NTM: variants seen among roughly 807,000 people sequenced by gnomAD.
NTM encodes the protein neurotrimin, also known as IgLON family member 2.
NTM carries 13 observed loss-of-function variants against 42.1 expected under a neutral mutation model. The ratio of observed to expected loss-of-function variants is 0.31; its 90% CI spans 0.20 to 0.49. The LOEUF is 0.49. Ranked by LOEUF, NTM falls within the 20% of genes least tolerant of loss-of-function variation. The pLI is 0.99. For missense variants in NTM, 373 were observed against 452.8 expected (o/e 0.82, Z 1.60); for synonymous variants, 187 against 179.2 (o/e 1.04, Z -0.35).
At chr11:131,960,408 C>T (rs997436862) in intron 2 of NTM, among the ~76,000 whole-genome samples, 19 of 152,176 alleles carry the variant, frequency 1.2e-4, no homozygotes, top group Admixed American at 5.2e-4. Context: ...TCCATGTCAC[C>T]GGCTGGATGC....
At chr11:131,809,816 T>G (rs767515435) in intron 1 of NTM, among the ~76,000 whole-genome samples, 3 of 152,180 alleles carry the variant, frequency 2.0e-5, no homozygotes, top group Non-Finnish European at 4.4e-5. Flanking sequence ...AGCCCTTCTG[T>G]GTCCCAAAGG....
At chr11:131,591,013 G>A (rs1208796206) in intron 1 of NTM, among the ~76,000 whole-genome samples, 1 of 152,214 alleles carries the variant, frequency 6.6e-6, no homozygotes, top group South Asian at 2.1e-4. Flanking sequence ...GGTGACAGGA[G>A]CAGCAAGCAG....
chr11:132,134,319 TTTTA>T (rs1555277184), intron 2 of NTM, among the ~76,000 whole-genome samples: 1 of 152,130 alleles, frequency 6.6e-6, no homozygotes, highest in Non-Finnish European at 1.5e-5. Flanking sequence ...TTTGGTTGGC[TTTTA>T]TTTATTTATT....
chr11:131,489,760 T>C (rs1954573383), intron 1 of NTM, among the ~76,000 whole-genome samples: 1 of 152,234 alleles, frequency 6.6e-6, no homozygotes, highest in Non-Finnish European at 1.5e-5. Flanking sequence ...AGAAGCCACT[T>C]AGCATTTTCA....
intron 1 of NTM, among the ~76,000 whole-genome samples, chr11:131,665,089 G>A (rs1310580749): frequency 1.3e-5 from 2 of 152,082 alleles, no homozygotes; most frequent in African/African-American, 4.8e-5. Context: ...TGGCATTCAC[G>A]CGTCCCCTCC....
At chr11:131,534,846 T>C (rs1218431581) in intron 1 of NTM, 2 of 152,268 alleles carry the variant, frequency 1.3e-5, no homozygotes, top group Admixed American at 6.5e-5. Flanking sequence ...CTTCTGAGCA[T>C]GCTGAGCCCT....
chr11:131,470,924 C>A (rs1007439828), intron 1 of NTM, among the ~76,000 whole-genome samples: 1 of 152,166 alleles, frequency 6.6e-6, no homozygotes, highest in Non-Finnish European at 1.5e-5. Context: ...CCATGTAATC[C>A]ATTTCTGAGC....
chr11:131,846,867 A>G (rs1216883608), intron 1 of NTM, among the ~76,000 whole-genome samples: 2 of 152,206 alleles, frequency 1.3e-5, no homozygotes, highest in African/African-American at 2.4e-5. Context: ...ATTTGAGGAA[A>G]AAAATAAAAA....
At chr11:131,430,603 C>T (rs1948571709) in intron 1 of NTM, among the ~76,000 whole-genome samples, 1 of 152,158 alleles carries the variant, frequency 6.6e-6, no homozygotes, top group South Asian at 2.1e-4. Flanking sequence ...GGCAAAGATC[C>T]AGACTGATTA....
intron 1 of NTM, among the ~76,000 whole-genome samples, chr11:131,684,242 C>T (rs530910866): frequency 1.4e-4 from 21 of 152,250 alleles, no homozygotes; most frequent in South Asian, 6.2e-4. Context: ...GACGTCCTGA[C>T]GACAGTGACT....
At chr11:131,701,055 G>A (rs943304749) in intron 1 of NTM, among the ~76,000 whole-genome samples, 6 of 152,124 alleles carry the variant, frequency 3.9e-5, no homozygotes, top group Admixed American at 1.3e-4. Flanking sequence ...GACAGTGCTC[G>A]GGAAAAAGTA....
At chr11:131,384,450 T>C (rs1444919904) in intron 1 of NTM, among the ~76,000 whole-genome samples, 1 of 152,230 alleles carries the variant, frequency 6.6e-6, no homozygotes, top group East Asian at 1.9e-4. Context: ...ATCTCTTCCA[T>C]GTTCTTGGGG....
At chr11:131,875,089 C>A (rs546106946) in intron 1 of NTM, among the ~76,000 whole-genome samples, 2 of 152,270 alleles carry the variant, frequency 1.3e-5, no homozygotes, top group South Asian at 4.2e-4. Context: ...TTGTTCACTG[C>A]GCCTTGGAAA....
chr11:132,325,743 A>T (rs2095665712), intron 7 of NTM, among the ~76,000 whole-genome samples: 1 of 152,228 alleles, frequency 6.6e-6, no homozygotes, highest in African/African-American at 2.4e-5. Flanking sequence ...CACTATTCAC[A>T]ATAGCAAAGA....
chr11:131,907,196 C>T (rs373149959), intron 1 of NTM, among the ~76,000 whole-genome samples: 3 of 152,188 alleles, frequency 2.0e-5, no homozygotes, highest in Non-Finnish European at 1.5e-5. Flanking sequence ...CTCCTCTTTT[C>T]GTCTCTTGTG....
At chr11:131,594,031 C>A (rs1351471978) in intron 1 of NTM, among the ~76,000 whole-genome samples, 1 of 152,138 alleles carries the variant, frequency 6.6e-6, no homozygotes, top group Non-Finnish European at 1.5e-5. Context: ...TGTGCACCAG[C>A]CTTATATAGT....
intron 1 of NTM, among the ~76,000 whole-genome samples, chr11:131,766,488 C>T (rs1351731598): frequency 2.0e-5 from 3 of 152,180 alleles, no homozygotes; most frequent in Middle Eastern, 3.4e-3. Context: ...ACGGGAGGTA[C>T]GTCAAGGCTG....
intron 2 of NTM, among the ~76,000 whole-genome samples, chr11:132,096,818 A>C (rs550951349): frequency 6.6e-6 from 1 of 152,258 alleles, no homozygotes; most frequent in African/African-American, 2.4e-5. Flanking sequence ...CCAGCTCACT[A>C]TGAGAGGAAC....
At chr11:131,800,068 T>C (rs1321739538) in intron 1 of NTM, among the ~76,000 whole-genome samples, 1 of 152,144 alleles carries the variant, frequency 6.6e-6, no homozygotes, top group African/African-American at 2.4e-5. Flanking sequence ...AGATCCTCAG[T>C]CAATCTTAGA....
Sources: gnomAD v4.1 joint callset for allele counts (sites outside exome capture counted in the v4.1 genomes callset) on GRCh38, gnomAD v4.1.1 for gene constraint, MANE v1.5 for transcripts, NCBI Gene and HGNC (gene_info 2026-07-23, HGNC 2026-07-21) for gene names.